The following TRMT10B variants were observed in gnomAD, a reference collection of about 807,000 sequenced individuals.
TRMT10B encodes the protein tRNA methyltransferase 10 homolog B.
TRMT10B carries 33 observed loss-of-function variants against 43.8 expected under a neutral mutation model. The observed-to-expected ratio is 0.75, with a 90% confidence interval of 0.57 to 1.01. The LOEUF (loss-of-function observed/expected upper bound fraction) is 1.01. Among genes scored for constraint, TRMT10B ranks in the 50% least tolerant of loss-of-function variants. TRMT10B has a pLI of 0.00. For synonymous variants in TRMT10B, 137 were observed against 130.6 expected (o/e 1.05, Z -0.34); for missense variants, 362 against 369.8 (o/e 0.98, Z 0.17).
At chr9:37,772,463 A>AT (rs1827693870) in intron 7 of TRMT10B, among the ~76,000 whole-genome samples, 1 of 150,940 alleles carries the variant, frequency 6.6e-6, no homozygotes. Flanking sequence ...CGTGTTTAAA[A>AT]TTTTTTGTAG....
chr9:37,777,061 G>A (rs889429457), intron 8 of TRMT10B, among the ~76,000 whole-genome samples: 1 of 150,008 alleles, frequency 6.7e-6, no homozygotes, highest in African/African-American at 2.5e-5. Context: ...GGGCATAGTG[G>A]CAGGCGCCTG....
chr9:37,763,850 A>C (rs1032727312), intron 4 of TRMT10B, 97 bp downstream of exon 4: 1 of 1,604,772 alleles, frequency 6.2e-7, no homozygotes, highest in African/African-American at 1.3e-5. Flanking sequence ...AGCTTCTGGG[A>C]TTCCTTAGTA....
chr9:37,756,753 C>CATAT (rs531520395), intron 1 of TRMT10B, among the ~76,000 whole-genome samples: 6 of 150,732 alleles, frequency 4.0e-5, no homozygotes, highest in Non-Finnish European at 3.0e-5. Context: ...CACACACACA[C>CATAT]ATATATATAT....
At position 37,762,119 on chromosome 9, in the gene TRMT10B, T is replaced by C. The variant is rs758317994; in HGVS notation, c.186+2T>C. 1 of 1,611,780 alleles carries C rather than the reference T, an allele frequency of 6.2e-7. No homozygotes were observed. The highest frequency in any genetic ancestry group is 1.1e-5 in the South Asian group (1 of 90,908). On this transcript the variant is annotated splice_donor_variant, in intron 2 of 8. Transcript: ENST00000297994. LOFTEE classifies it high-confidence loss of function. ...ACAGGCAGTACGGCATGGTGCTCGG[T>C]GAGTGCGTGAATTGCCTGGCCATAG... is the stretch of plus-strand genomic sequence containing the variant.
At position 37,762,614 on chromosome 9, in the gene TRMT10B, T is replaced by C. The variant is rs749688109; in HGVS notation, c.224T>C (p.Ile75Thr). The C allele has an allele frequency of 2.5e-5, 40 of 1,597,938 alleles. No individual in the cohort carries two copies. In the East Asian group the frequency reaches 5.1e-4, roughly 21 times the overall value. The change falls in exon 3 of 9, where the codon ATA (isoleucine) becomes ACA (threonine). Residue 75 changes from isoleucine (I) to threonine (T), a missense_variant. Coordinates refer to ENST00000297994, the MANE Select transcript of TRMT10B (RefSeq NM_144964.4). Reference protein sequence around the residue: ...VQRKQRHWEKIVAAKKSKRKQ... With the variant: ...VQRKQRHWEKTVAAKKSKRKQ... ...AGAAAACAGAGACACTGGGAAAAGA[T>C]AGTTGCAGCAAAGAAGAGCAAAAGA...
chr9:37,773,840 C>T (rs1026518220), intron 7 of TRMT10B, among the ~76,000 whole-genome samples: 1 of 151,332 alleles, frequency 6.6e-6, no homozygotes, highest in Admixed American at 6.6e-5. Flanking sequence ...TTCATACACA[C>T]ACAAAGTCTG....
At chr9:37,770,865 C>T (rs1233615524) in intron 7 of TRMT10B, 126 bp downstream of exon 7, 27 of 981,584 alleles carry the variant, frequency 2.8e-5, no homozygotes, top group Non-Finnish European at 3.4e-5. Context: ...AAAGAGCCAT[C>T]CCCACCAGGT....
In TRMT10B at chr9:37,756,753, C is replaced by CAT. The variant is rs531520395; in HGVS notation, c.-30+2911_-30+2912dup. ...ATATATATATATATACACACACACA[C>CAT]ATATATATATACACATATATACATA... On this transcript the variant is annotated intron_variant, in intron 1 of 8. Coordinates refer to ENST00000297994, the MANE Select transcript of TRMT10B (RefSeq NM_144964.4). Among the ~76,000 whole-genome samples, 998 of 150,838 alleles carry CAT rather than the reference C, an allele frequency of 6.6e-3. 8 individuals carry two copies. The highest frequency in any genetic ancestry group is 0.014 in the Middle Eastern group (4 of 294).
chr9:37,770,529 A>C (rs917675608), intron 6 of TRMT10B, 143 bp from the exon 7 acceptor site: 2 of 777,750 alleles, frequency 2.6e-6, no homozygotes, highest in Non-Finnish European at 4.1e-6. Context: ...TTAGAAAATT[A>C]GCTTTTGGTT....
rs185385821 is a variant in TRMT10B, at chr9:37,774,715, T to G, written c.721-1567T>G. Among the ~76,000 whole-genome samples the G allele has an allele frequency of 1.2e-4, 19 of 152,320 alleles. No homozygotes were observed. In the East Asian group the frequency reaches 3.3e-3, roughly 26 times the overall value. On this transcript the variant is annotated intron_variant, in intron 7 of 8. Transcript: ENST00000297994. Reference sequence around the variant, plus strand: ...ATAAGTCCCTGTATCGCTTAAAACATTTTTGGAAGTTCTATCTAAAATTTT... The same window carrying G: ...ATAAGTCCCTGTATCGCTTAAAACAGTTTTGGAAGTTCTATCTAAAATTTT...
At position 37,771,514 on chromosome 9, in the gene TRMT10B, G is replaced by A. The variant is rs116259182; in HGVS notation, c.720+775G>A. On this transcript the variant is annotated intron_variant, in intron 7 of 8. Coordinates refer to ENST00000297994, the MANE Select transcript of TRMT10B (RefSeq NM_144964.4). Reference sequence around the variant, plus strand: ...GTATGTATATTTAACACAGATGATAGGTTAATTTAATTGAATTTATTTAAA... The same window carrying A: ...GTATGTATATTTAACACAGATGATAAGTTAATTTAATTGAATTTATTTAAA... Among the ~76,000 whole-genome samples the A allele has an allele frequency of 7.7e-3, 1,169 of 152,226 alleles. 13 individuals are homozygous for A. Among genetic ancestry groups the A allele is most frequent in the African/African-American group, 0.026 (1,074 of 41,506 alleles).
At chr9:37,772,902 T>C (rs1468597895) in intron 7 of TRMT10B, among the ~76,000 whole-genome samples, 1 of 152,216 alleles carries the variant, frequency 6.6e-6, no homozygotes, top group Non-Finnish European at 1.5e-5. Context: ...AATTCTGTAT[T>C]GAGAGGAAAG....
At chr9:37,775,700 ATTT>A (rs200251527) in intron 7 of TRMT10B, among the ~76,000 whole-genome samples, 61 of 150,048 alleles carry the variant, frequency 4.1e-4, no homozygotes, top group African/African-American at 1.3e-3. Flanking sequence ...CACCCTGTTA[ATTT>A]TTTTTTTGTT....
chr9:37,763,419 A>G (rs555019591), intron 3 of TRMT10B, among the ~76,000 whole-genome samples: 25 of 152,318 alleles, frequency 1.6e-4, no homozygotes, highest in African/African-American at 5.8e-4. Context: ...TAGCCAATCA[A>G]TGAACAAACT....
At chr9:37,770,785 T>C in intron 7 of TRMT10B, 46 bp downstream of exon 7, 2 of 1,596,290 alleles carry the variant, frequency 1.3e-6, no homozygotes, top group Non-Finnish European at 8.6e-7. Context: ...AAAGCAGTGC[T>C]TACTTTTAGA....
At chr9:37,754,128 A>G (rs1024700386) in intron 1 of TRMT10B, among the ~76,000 whole-genome samples, 1 of 152,230 alleles carries the variant, frequency 6.6e-6, no homozygotes, top group Non-Finnish European at 1.5e-5. Flanking sequence ...GAGTTAGGCT[A>G]GCAAAGGTCT....
rs1407908850 is a variant in TRMT10B at position 37,761,899 on chromosome 9, C to T, written c.-29-4C>T. 1 of 1,573,128 alleles carries T rather than the reference C, an allele frequency of 6.4e-7. No homozygotes were observed. The highest frequency in any genetic ancestry group is 8.7e-7 in the Non-Finnish European group (1 of 1,154,526). ...ATAGCTCACATAATTGTGCCTTTTT[C>T]CAGTCTGGTGGAAAGGACAGAGGAC... On this transcript the variant is annotated splice_polypyrimidine_tract_variant and splice_region_variant and intron_variant, in intron 1 of 8. Transcript: ENST00000297994.
intron 1 of TRMT10B, among the ~76,000 whole-genome samples, chr9:37,758,859 G>T (rs987461947): frequency 6.6e-6 from 1 of 152,192 alleles, no homozygotes; most frequent in Non-Finnish European, 1.5e-5. Flanking sequence ...CTTTCTACCT[G>T]AGGGTGCATA....
At chr9:37,771,706 G>A (rs1232771105) in intron 7 of TRMT10B, among the ~76,000 whole-genome samples, 2 of 152,050 alleles carry the variant, frequency 1.3e-5, no homozygotes, top group African/African-American at 2.4e-5. Context: ...TGGAGGAACC[G>A]GCTATTTACA....
Sources: allele counts gnomAD v4.1 joint callset (sites outside exome capture counted in the v4.1 genomes callset), GRCh38; gene constraint gnomAD v4.1.1; transcripts MANE v1.5; gene names NCBI Gene and HGNC (gene_info 2026-07-23, HGNC 2026-07-21).